The following PTPRD variants were observed in gnomAD, a reference collection of about 807,000 sequenced individuals.
PTPRD encodes the protein protein tyrosine phosphatase receptor type D.
PTPRD carries 34 observed loss-of-function variants against 214.5 expected under a neutral mutation model. That is an observed-to-expected ratio of 0.16 (90% CI 0.12 to 0.21). PTPRD has a LOEUF of 0.21. Ranked by LOEUF, PTPRD falls within the 10% of genes least tolerant of loss-of-function variation. The probability of loss-of-function intolerance (pLI) is 1.00; values close to 1 mark genes in which losing one functional copy is unlikely to be tolerated. For synonymous variants in PTPRD, 1,128 were observed against 845.7 expected, an observed-to-expected ratio of 1.33 and a Z score of -5.79; for missense variants, 2,545 against 2,398.7, an observed-to-expected ratio of 1.06 and a Z score of -1.27.
At chr9:8,777,706 G>T (rs1339043021) in intron 11 of PTPRD, among the ~76,000 whole-genome samples, 1 of 152,064 alleles carries the variant, frequency 6.6e-6, no homozygotes, top group Non-Finnish European at 1.5e-5. Flanking sequence ...ATAAAAGAGA[G>T]CTGGTCATAT....
At chr9:10,109,470 C>T (rs2098669951) in intron 3 of PTPRD, among the ~76,000 whole-genome samples, 1 of 152,162 alleles carries the variant, frequency 6.6e-6, no homozygotes, top group South Asian at 2.1e-4. Context: ...AATATCCTAT[C>T]AGATACCTAC....
At chr9:8,951,019 A>C (rs1029641965) in intron 11 of PTPRD, among the ~76,000 whole-genome samples, 1 of 152,112 alleles carries the variant, frequency 6.6e-6, no homozygotes, top group African/African-American at 2.4e-5. Context: ...CATTATTTAA[A>C]GATATGTTTT....
In PTPRD at chr9:9,108,422, A is replaced by G. The variant is rs116625589; in HGVS notation, c.-143+74882T>C. On this transcript the variant is annotated intron_variant, in intron 10 of 45. Transcript: ENST00000381196. Reference sequence around the variant, plus strand: ...GTAGGCTGTGCTATGCTGCAATGAAAAACAATCCATGGTAACAAATTTACT... The same window carrying G: ...GTAGGCTGTGCTATGCTGCAATGAAGAACAATCCATGGTAACAAATTTACT... Among the ~76,000 whole-genome samples, 890 of 152,282 alleles carry G rather than the reference A, an allele frequency of 5.8e-3. 7 individuals are homozygous for G. The highest frequency in any genetic ancestry group is 0.02 in the African/African-American group (843 of 41,558).
At chr9:8,674,856 GTTTGGGGTTTT>G (rs1200785519) in intron 12 of PTPRD, among the ~76,000 whole-genome samples, 1 of 152,048 alleles carries the variant, frequency 6.6e-6, no homozygotes, top group East Asian at 1.9e-4. Flanking sequence ...TTTTTTGTTT[GTTTGGGGTTTT>G]TTTGCTTCCT....
At chr9:9,167,808 C>T (rs2099907143) in intron 10 of PTPRD, among the ~76,000 whole-genome samples, 1 of 152,006 alleles carries the variant, frequency 6.6e-6, no homozygotes, top group African/African-American at 2.4e-5. Context: ...TACAAAAAAG[C>T]AAAATTAATT....
chr9:8,391,776 C>T (rs370709038), intron 36 of PTPRD, among the ~76,000 whole-genome samples: 1 of 152,090 alleles, frequency 6.6e-6, no homozygotes, highest in Non-Finnish European at 1.5e-5. Flanking sequence ...GTGCCACCTC[C>T]CCCCTTATCA....
chr9:9,440,056 A>C (rs2144269246), intron 8 of PTPRD, among the ~76,000 whole-genome samples: 1 of 152,340 alleles, frequency 6.6e-6, no homozygotes, highest in African/African-American at 2.4e-5. Context: ...TCTAGAAACC[A>C]TAAAAATTCC....
intron 2 of PTPRD, among the ~76,000 whole-genome samples, chr9:10,608,150 G>A (rs1319943926): frequency 6.6e-6 from 1 of 151,820 alleles, no homozygotes; most frequent in Non-Finnish European, 1.5e-5. Context: ...TATTTAAATT[G>A]TGCATATTTA....
At chr9:9,958,632 A>G (rs1346284481) in intron 4 of PTPRD, among the ~76,000 whole-genome samples, 1 of 152,206 alleles carries the variant, frequency 6.6e-6, no homozygotes, top group East Asian at 1.9e-4. Context: ...TGGGTAATTT[A>G]TTTACAAAAC....
At chr9:9,702,723 A>C (rs151123511) in intron 7 of PTPRD, among the ~76,000 whole-genome samples, 302 of 152,326 alleles carry the variant, frequency 2.0e-3, no homozygotes, top group Non-Finnish European at 3.7e-3. Flanking sequence ...GTAGTAACTA[A>C]TTATGTGTTT....
chr9:10,072,817 A>G (rs77440919), intron 3 of PTPRD, among the ~76,000 whole-genome samples: 99 of 152,244 alleles, frequency 6.5e-4, no homozygotes, highest in African/African-American at 2.3e-3. Context: ...GTCTTATCAT[A>G]CGATCCAATT....
intron 2 of PTPRD, among the ~76,000 whole-genome samples, chr9:10,462,875 TA>T (rs973965820): frequency 1.3e-5 from 2 of 151,168 alleles, no homozygotes; most frequent in Admixed American, 6.6e-5. Flanking sequence ...AATTATTGTA[TA>T]TAATTATCTT....
At chr9:10,296,506 C>G (rs2095678560) in intron 3 of PTPRD, among the ~76,000 whole-genome samples, 1 of 152,084 alleles carries the variant, frequency 6.6e-6, no homozygotes. Context: ...GCTATATAAA[C>G]CCCTAACTCG....
intron 3 of PTPRD, among the ~76,000 whole-genome samples, chr9:10,144,897 A>G (rs752617597): frequency 1.8e-4 from 28 of 152,118 alleles, no homozygotes; most frequent in Admixed American, 3.3e-4. Context: ...TAAAAATAAA[A>G]TTAGTATTAA....
intron 2 of PTPRD, among the ~76,000 whole-genome samples, chr9:10,498,095 A>C (rs1276062554): frequency 6.6e-6 from 1 of 152,014 alleles, no homozygotes. Context: ...CTGCAGAGCA[A>C]TATTACAATT....
chr9:10,394,610 T>C (rs1452197148), intron 2 of PTPRD, among the ~76,000 whole-genome samples: 3 of 151,926 alleles, frequency 2.0e-5, no homozygotes, highest in African/African-American at 7.2e-5. Context: ...CCAAACACTC[T>C]TTAAGTGAGT....
chr9:10,511,700 C>T (rs1170799298), intron 2 of PTPRD, among the ~76,000 whole-genome samples: 3 of 151,072 alleles, frequency 2.0e-5, no homozygotes, highest in African/African-American at 7.3e-5. Context: ...AGGTGGGAAC[C>T]ACCACACCTG....
At chr9:8,711,483 G>A (rs968470967) in intron 12 of PTPRD, among the ~76,000 whole-genome samples, 1 of 152,158 alleles carries the variant, frequency 6.6e-6, no homozygotes, top group Middle Eastern at 3.4e-3. Flanking sequence ...CTAATATGAA[G>A]CATAATCTTA....
At chr9:10,231,989 A>AGAGAGAGAGAGTGT (rs1245284728) in intron 3 of PTPRD, among the ~76,000 whole-genome samples, 86 of 92,484 alleles carry the variant, frequency 9.3e-4, no homozygotes, top group African/African-American at 4.2e-3. Context: ...AGAGAGAGAG[A>AGAGAGAGAGAGTGT]GTGTGTGTGT....
Sources: allele counts gnomAD v4.1 joint callset (sites outside exome capture counted in the v4.1 genomes callset), GRCh38; gene constraint gnomAD v4.1.1; transcripts MANE v1.5; gene names NCBI Gene and HGNC (gene_info 2026-07-23, HGNC 2026-07-21).